Variants in CC2D2B observed in about 807,000 individuals in gnomAD.
CC2D2B encodes the protein coiled-coil and C2 domain containing 2B.
Under a neutral mutation model 161.2 loss-of-function variants are expected in CC2D2B, and 128 were observed. That is an observed-to-expected ratio of 0.79 (90% confidence interval 0.69 to 0.92). The LOEUF (loss-of-function observed/expected upper bound fraction) is 0.92. Among genes scored for constraint, CC2D2B ranks in the 40% least tolerant of loss-of-function variants. The pLI is 0.00. For synonymous variants in CC2D2B, 391 were observed against 449.8 expected (o/e 0.87, Z 1.65); for missense variants, 1,173 against 1,375.1 (o/e 0.85, Z 2.32).
At chr10:96,024,736 T>A in intron 32 of CC2D2B, 117 bp from the exon 33 acceptor site, 1 of 533,626 alleles carries the variant, frequency 1.9e-6, no homozygotes. Context: ...TGGAATTGAG[T>A]GTTTTTGCCA....
chr10:95,975,354 G>A (rs2077276392), intron 17 of CC2D2B, among the ~76,000 whole-genome samples: 1 of 152,090 alleles, frequency 6.6e-6, no homozygotes, highest in South Asian at 2.1e-4. Context: ...AAGAAACAAA[G>A]AGAAAAAAGC....
intron 3 of CC2D2B, among the ~76,000 whole-genome samples, chr10:95,923,721 T>A (rs1216764050): frequency 6.6e-6 from 1 of 151,982 alleles, no homozygotes; most frequent in African/African-American, 2.4e-5. Flanking sequence ...TAATTAAAAA[T>A]TTAAAAAAGA....
intron 33 of CC2D2B, 143 bp downstream of exon 33, chr10:96,025,054 A>C: frequency 2.6e-6 from 1 of 382,244 alleles, no homozygotes. Context: ...CACACCTATA[A>C]TCGCAGTTCT....
intron 29 of CC2D2B, among the ~76,000 whole-genome samples, chr10:96,014,782 T>G (rs2079120631): frequency 6.6e-6 from 1 of 152,190 alleles, no homozygotes; most frequent in East Asian, 1.9e-4. Context: ...CAGAACCTCC[T>G]TGACCTGACA....
chr10:95,947,108 TA>T (rs1564609008), intron 9 of CC2D2B, among the ~76,000 whole-genome samples: 7 of 37,684 alleles, frequency 1.9e-4, no homozygotes, highest in African/African-American at 9.1e-4. Context: ...TATATATATA[TA>T]TATATTTTTT....
chr10:95,917,201 G>C (rs1342385524), intron 2 of CC2D2B, among the ~76,000 whole-genome samples: 1 of 151,944 alleles, frequency 6.6e-6, no homozygotes, highest in East Asian at 1.9e-4. Flanking sequence ...AGCTATTCCT[G>C]CTCTTTTTTG....
At chr10:96,018,622 C>T (rs2079308838) in intron 30 of CC2D2B, 2 of 152,240 alleles carry the variant, frequency 1.3e-5, no homozygotes, top group South Asian at 2.1e-4. Flanking sequence ...CATCGGGGCA[C>T]ACTCTGCAGG....
intron 2 of CC2D2B, among the ~76,000 whole-genome samples, chr10:95,914,113 T>C (rs1285944867): frequency 1.3e-5 from 2 of 152,210 alleles, no homozygotes; most frequent in Admixed American, 1.3e-4. Context: ...TTTAAGTCTT[T>C]AATTCATTTT....
intron 9 of CC2D2B, among the ~76,000 whole-genome samples, chr10:95,944,130 C>A (rs751997977): frequency 1.6e-4 from 25 of 152,274 alleles, no homozygotes; most frequent in Non-Finnish European, 2.6e-4. Context: ...TAATAGAACT[C>A]ATCACCTCAG....
At chr10:96,026,067 T>C (rs2079759275) in intron 33 of CC2D2B, among the ~76,000 whole-genome samples, 1 of 151,994 alleles carries the variant, frequency 6.6e-6, no homozygotes, top group African/African-American at 2.4e-5. Flanking sequence ...TATCTGGAGG[T>C]GAAACATTTT....
At chr10:96,025,211 A>ATATATATATATATATATATATG (rs2079707913) in intron 33 of CC2D2B, among the ~76,000 whole-genome samples, 1 of 130,188 alleles carries the variant, frequency 7.7e-6, no homozygotes, top group African/African-American at 3.0e-5. Flanking sequence ...ATATATATAT[A>ATATATATATATATATATATATG]TATATATATA....
chr10:95,966,941 C>T (rs568060698), intron 14 of CC2D2B, among the ~76,000 whole-genome samples: 1 of 152,146 alleles, frequency 6.6e-6, no homozygotes, highest in African/African-American at 2.4e-5. Flanking sequence ...TCCCATCTCC[C>T]TTAAAGAGGA....
chr10:95,926,842 G>GTC (rs2098539855), intron 5 of CC2D2B, among the ~76,000 whole-genome samples: 1 of 142,542 alleles, frequency 7.0e-6, no homozygotes, highest in Non-Finnish European at 1.6e-5. Context: ...GTGTGTGTGT[G>GTC]TGTGTCTGTG....
chr10:96,027,225 C>T lies in CC2D2B; in HGVS notation c.3961C>T (p.Leu1321=), dbSNP rs1445269739. The change falls in exon 34 of 35, where the codon CTG becomes TTG. Residue 1321 remains leucine (L), a synonymous_variant. Coordinates refer to ENST00000646931, the MANE Select transcript of CC2D2B (RefSeq NM_001349008.3). The part of the protein sequence containing the change: ...EDLRNRIERT[L]KSKVMEWRPK... Reference sequence around the variant, plus strand: ...TTCTTACCTTAGGATCGAAAGGACTCTGAAGAGTAAAGTGATGGAATGGCG... The same window carrying T: ...TTCTTACCTTAGGATCGAAAGGACTTTGAAGAGTAAAGTGATGGAATGGCG... 6.5e-7 allele frequency: 1 copy of T among 1,540,176 alleles called. No individual in the cohort carries two copies. The highest frequency in any genetic ancestry group is 1.4e-5 in the African/African-American group (1 of 72,552).
chr10:95,984,965 CA>C (rs1282836916), intron 19 of CC2D2B, among the ~76,000 whole-genome samples: 1 of 151,396 alleles, frequency 6.6e-6, no homozygotes, highest in African/African-American at 2.4e-5. Context: ...AAATTTTAAA[CA>C]AAAATAAATA....
At chr10:95,979,574 G>C (rs1261861100) in intron 17 of CC2D2B, among the ~76,000 whole-genome samples, 1 of 152,102 alleles carries the variant, frequency 6.6e-6, no homozygotes, top group Non-Finnish European at 1.5e-5. Flanking sequence ...AACCACCATG[G>C]ACTGCTCCTA....
chr10:95,972,457 A>G (rs2077169574), intron 16 of CC2D2B, among the ~76,000 whole-genome samples: 1 of 151,904 alleles, frequency 6.6e-6, no homozygotes, highest in African/African-American at 2.4e-5. Context: ...GGGATTACAG[A>G]TCCCTGCCAC....
intron 1 of CC2D2B, among the ~76,000 whole-genome samples, chr10:95,910,401 A>G (rs1407988841): frequency 6.6e-6 from 1 of 152,154 alleles, no homozygotes; most frequent in African/African-American, 2.4e-5. Flanking sequence ...GGGAGCTTAC[A>G]ATCATGGTGG....
chr10:95,951,883 G>A (rs2076413075), intron 10 of CC2D2B, among the ~76,000 whole-genome samples: 1 of 152,096 alleles, frequency 6.6e-6, no homozygotes, highest in Admixed American at 6.6e-5. Context: ...TAATTTCTCA[G>A]TGGATTTTTG....
Sources: gnomAD v4.1 joint callset for allele counts (sites outside exome capture counted in the v4.1 genomes callset) on GRCh38, gnomAD v4.1.1 for gene constraint, MANE v1.5 for transcripts, NCBI Gene and HGNC (gene_info 2026-07-23, HGNC 2026-07-21) for gene names.